Variants in ZNF618 observed in about 807,000 individuals in gnomAD.
The protein encoded by ZNF618 is zinc finger protein 618.
Under a neutral mutation model 103.0 loss-of-function variants are expected in ZNF618, and 34 were observed. The observed-to-expected ratio is 0.33, with a 90% CI of 0.25 to 0.44. The LOEUF (loss-of-function observed/expected upper bound fraction) is 0.44, where lower values mean the gene tolerates loss of function less well. ZNF618 is among the 20% of genes least tolerant of loss of function. ZNF618 has a pLI of 1.00. For synonymous variants in ZNF618, 551 were observed against 542.2 expected (o/e 1.02, Z -0.23); for missense variants, 1,059 against 1,295.4 (o/e 0.82, Z 2.80).
At chr9:113,964,999 A>G (rs1347275364) in intron 1 of ZNF618, among the ~76,000 whole-genome samples, 2 of 121,116 alleles carry the variant, frequency 1.7e-5, no homozygotes, top group Non-Finnish European at 1.7e-5. Flanking sequence ...CTTCATTCTG[A>G]AAAAAAAAAA....
chr9:114,015,726 A>G (rs1033870447), intron 9 of ZNF618, among the ~76,000 whole-genome samples: 3 of 152,242 alleles, frequency 2.0e-5, no homozygotes, highest in Non-Finnish European at 4.4e-5. Flanking sequence ...TAGGGAAAAA[A>G]TTTTGAAACA....
At chr9:113,981,020 GGTAGAGTTGGA>G (rs1202158960) in intron 2 of ZNF618, among the ~76,000 whole-genome samples, 2 of 152,204 alleles carry the variant, frequency 1.3e-5, no homozygotes. Context: ...GTGGGAAGTG[GGTAGAGTTGGA>G]GGACTTGGTC....
chr9:113,982,038 C>T (rs1457450707), intron 2 of ZNF618, among the ~76,000 whole-genome samples: 2 of 152,082 alleles, frequency 1.3e-5, no homozygotes, highest in Non-Finnish European at 2.9e-5. Context: ...GTTTCTGAAA[C>T]CTCCCCGGGC....
At chr9:113,951,559 G>GTATATATGTACACACA (rs1242686867) in intron 1 of ZNF618, among the ~76,000 whole-genome samples, 1 of 36,046 alleles carries the variant, frequency 2.8e-5, no homozygotes, top group African/African-American at 7.1e-5. Context: ...ATATGTGTGT[G>GTATATATGTACACACA]TATATGTGTG....
chr9:113,939,952 C>G (rs1834401651), intron 1 of ZNF618, among the ~76,000 whole-genome samples: 1 of 151,828 alleles, frequency 6.6e-6, no homozygotes, highest in South Asian at 2.1e-4. Context: ...TTTTCTATTT[C>G]TTTAACTTCT....
At chr9:113,987,932 A>C (rs139160993) in intron 2 of ZNF618, among the ~76,000 whole-genome samples, 11 of 152,138 alleles carry the variant, frequency 7.2e-5, no homozygotes, top group Middle Eastern at 3.4e-3. Flanking sequence ...CTGTATGCAC[A>C]CTGAGGTCTA....
chr9:113,943,347 G>C (rs1385925662), intron 1 of ZNF618, among the ~76,000 whole-genome samples: 20 of 152,180 alleles, frequency 1.3e-4, no homozygotes, highest in Admixed American at 1.3e-3. Context: ...TCAAGGGGGA[G>C]AGAGGGAAGA....
chr9:114,050,011 C>T lies in ZNF618; in HGVS notation c.2709C>T (p.Leu903=), dbSNP rs372771757. 3.5e-5 allele frequency: 57 copies of T among 1,613,836 alleles called. 1 individual carries two copies. Among genetic ancestry groups the T allele is most frequent in the Admixed American group, 1.5e-4 (9 of 60,016 alleles). The change falls in exon 15 of 15, where the codon CTC becomes CTT. Residue 903 remains leucine (L), a synonymous_variant. Transcript: ENST00000374126. ...WSCVTQKHTK[L]AKLAFWLLAV... The stretch of plus-strand genomic sequence containing the variant: ...GCGTTACCCAAAAGCACACAAAACT[C>T]GCCAAGCTCGCCTTCTGGCTCCTGG...
rs75699910 is a variant in ZNF618 at position 113,914,075 on chromosome 9, A to G, written c.33+37662A>G. Among the ~76,000 whole-genome samples the G allele has an allele frequency of 8.9e-4, 135 of 152,168 alleles. 2 individuals are homozygous for G. The East Asian group carries it at 0.025, about 29-fold the overall frequency. On this transcript the variant is annotated intron_variant, in intron 1 of 14. Coordinates refer to ENST00000374126, the MANE Select transcript of ZNF618 (RefSeq NM_001318042.2). Reference sequence around the variant, plus strand: ...AACCTGGACCACCCTTTCCCCCTCTAAGCACACTTTTTATTTAACATGCTG... The same window carrying G: ...AACCTGGACCACCCTTTCCCCCTCTGAGCACACTTTTTATTTAACATGCTG...
At chr9:114,007,566 C>T in intron 7 of ZNF618, 127 bp downstream of exon 7, 1 of 826,506 alleles carries the variant, frequency 1.2e-6, no homozygotes, top group Non-Finnish European at 1.9e-6. Context: ...TAGCTGGAAC[C>T]ATGAGGGGAA....
At chr9:114,010,026 A>G (rs1842095252) in intron 9 of ZNF618, among the ~76,000 whole-genome samples, 1 of 152,190 alleles carries the variant, frequency 6.6e-6, no homozygotes, top group South Asian at 2.1e-4. Flanking sequence ...GATGAAGAAT[A>G]TGGCCGGGCA....
At chr9:113,948,300 AG>A (rs1228456099) in intron 1 of ZNF618, among the ~76,000 whole-genome samples, 1 of 152,210 alleles carries the variant, frequency 6.6e-6, no homozygotes, top group Non-Finnish European at 1.5e-5. Flanking sequence ...GGAATATGAC[AG>A]TTCTAAGTTT....
At chr9:114,008,586 G>C (rs180887117) in intron 9 of ZNF618, 32 bp downstream of exon 9, 2 of 1,611,416 alleles carry the variant, frequency 1.2e-6, no homozygotes, top group African/African-American at 2.7e-5. Flanking sequence ...GCCAAGGGCT[G>C]GGTGGGGGCT....
intron 1 of ZNF618, among the ~76,000 whole-genome samples, chr9:113,951,440 T>TACACACAC (rs760139132): frequency 4.7e-4 from 14 of 29,476 alleles, no homozygotes; most frequent in African/African-American, 4.5e-4. Flanking sequence ...TGTATATATA[T>TACACACAC]ACATATATGT....
At chr9:114,010,657 T>C (rs952546945) in intron 9 of ZNF618, among the ~76,000 whole-genome samples, 3 of 152,174 alleles carry the variant, frequency 2.0e-5, no homozygotes, top group African/African-American at 7.2e-5. Context: ...TGAGCCGAGA[T>C]TGCACCACTG....
chr9:113,951,523 A>G (rs369900191), intron 1 of ZNF618, among the ~76,000 whole-genome samples: 2 of 71,088 alleles, frequency 2.8e-5, no homozygotes, highest in Non-Finnish European at 6.1e-5. Flanking sequence ...GTGTATATGT[A>G]CACATATGTG....
At chr9:113,941,763 G>A (rs1280213494) in intron 1 of ZNF618, among the ~76,000 whole-genome samples, 1 of 115,484 alleles carries the variant, frequency 8.7e-6, no homozygotes, top group African/African-American at 2.9e-5. Flanking sequence ...ATCAGGATGT[G>A]TCTAGATGTC....
intron 1 of ZNF618, among the ~76,000 whole-genome samples, chr9:113,883,771 A>G (rs1564124858): frequency 1.3e-5 from 2 of 152,036 alleles, no homozygotes; most frequent in Admixed American, 1.3e-4. Flanking sequence ...ACGTTTCCAT[A>G]TTTCTGAAAT....
rs1846114435 is a variant in ZNF618 at position 114,051,245 on chromosome 9, C to A, written c.*1078C>A. Reference sequence around the variant, plus strand: ...CTCATCTCTGTGGTGTACTCAGTATCCTACAGTCTTTCTTGGCCTTCCCTG... The same window carrying A: ...CTCATCTCTGTGGTGTACTCAGTATACTACAGTCTTTCTTGGCCTTCCCTG... On this transcript the variant is annotated 3_prime_UTR_variant, in exon 15 of 15. Coordinates refer to ENST00000374126, the MANE Select transcript of ZNF618 (RefSeq NM_001318042.2). The A allele has an allele frequency of 6.6e-6, 1 of 152,532 alleles. No individual in the cohort carries two copies. Among genetic ancestry groups the A allele is most frequent in the South Asian group, 2.1e-4 (1 of 4,808 alleles). The allele number at this position is 152,532 out of a possible 1,614,324, so 9.4% of individuals were successfully genotyped here.
Sources: allele counts gnomAD v4.1 joint callset (sites outside exome capture counted in the v4.1 genomes callset), GRCh38; gene constraint gnomAD v4.1.1; transcripts MANE v1.5; gene names NCBI Gene and HGNC (gene_info 2026-07-23, HGNC 2026-07-21).